The following RAB38 variants were observed in gnomAD, a reference collection of about 807,000 sequenced individuals.
The protein encoded by RAB38 is RAB38, member RAS oncogene family, also known as ras-related protein Rab-38.
Under a neutral mutation model 18.4 loss-of-function variants are expected in RAB38, and 15 were observed. The ratio of observed to expected loss-of-function variants is 0.82; its 90% CI spans 0.55 to 1.26. RAB38 has a LOEUF of 1.26. RAB38 is among the 50% of genes most tolerant of loss of function. RAB38 has a pLI of 0.00. For missense variants in RAB38, 294 were observed against 267.4 expected (o/e 1.10, Z -0.69); for synonymous variants, 101 against 104.4 (o/e 0.97, Z 0.20).
At chr11:88,026,458 G>T in the RAB38 span, among the ~76,000 whole-genome samples, 1 of 150,654 alleles carries the variant, frequency 6.6e-6, no homozygotes, top group Non-Finnish European at 1.5e-5. Context: ...ACCTACTCAG[G>T]AGGCTGAGGC....
the RAB38 span, among the ~76,000 whole-genome samples, chr11:88,076,237 G>C: frequency 2.0e-5 from 3 of 151,772 alleles, no homozygotes; most frequent in African/African-American, 7.3e-5. Context: ...ATAAATTCCT[G>C]GATTCATACA....
At chr11:88,101,712 TG>T in the RAB38 span, among the ~76,000 whole-genome samples, 1 of 151,788 alleles carries the variant, frequency 6.6e-6, no homozygotes, top group Non-Finnish European at 1.5e-5. Flanking sequence ...CTATAAAAAA[TG>T]TTTTTGATTT....
the RAB38 span, among the ~76,000 whole-genome samples, chr11:87,910,629 T>C: frequency 1.5e-5 from 1 of 65,026 alleles, no homozygotes; most frequent in African/African-American, 4.0e-5. Flanking sequence ...TCAAAGTTCA[T>C]TTTCTTTTTT....
chr11:87,900,542 G>A, the RAB38 span, among the ~76,000 whole-genome samples: 1 of 151,602 alleles, frequency 6.6e-6, no homozygotes, highest in Non-Finnish European at 1.5e-5. Context: ...TCACCAGCTA[G>A]ACACTTGTTC....
At chr11:87,869,872 C>G in the RAB38 span, among the ~76,000 whole-genome samples, 1 of 151,524 alleles carries the variant, frequency 6.6e-6, no homozygotes, top group African/African-American at 2.4e-5. Context: ...TGCCTGTTGC[C>G]AATCAAAGCA....
chr11:87,868,391 G>C, the RAB38 span, among the ~76,000 whole-genome samples: 1 of 151,586 alleles, frequency 6.6e-6, no homozygotes, highest in African/African-American at 2.4e-5. Context: ...GCAGATGTTA[G>C]TGCTATGCTT....
At chr11:87,807,539 A>C in the RAB38 span, among the ~76,000 whole-genome samples, 2 of 152,272 alleles carry the variant, frequency 1.3e-5, no homozygotes, top group East Asian at 3.9e-4. Flanking sequence ...CAAGACATAA[A>C]CCATGCTGAC....
intron 1 of RAB38, among the ~76,000 whole-genome samples, chr11:88,151,866 CAAGT>C (rs1369331953): frequency 5.3e-5 from 8 of 152,084 alleles, no homozygotes; most frequent in African/African-American, 1.7e-4. Context: ...TGTGCACAAG[CAAGT>C]ATCACTGGAA....
chr11:87,902,879 ATG>A, the RAB38 span, among the ~76,000 whole-genome samples: 1 of 150,440 alleles, frequency 6.6e-6, no homozygotes, highest in Admixed American at 6.7e-5. Context: ...ATATATATGT[ATG>A]TGCATATATA....
chr11:87,895,383 A>G, the RAB38 span, among the ~76,000 whole-genome samples: 1 of 151,602 alleles, frequency 6.6e-6, no homozygotes, highest in Non-Finnish European at 1.5e-5. Context: ...TCGGGTACTG[A>G]GGGAGGGCGA....
chr11:87,929,423 T>C, the RAB38 span, among the ~76,000 whole-genome samples: 1 of 152,030 alleles, frequency 6.6e-6, no homozygotes, highest in African/African-American at 2.4e-5. Context: ...TTCACCCTAT[T>C]TCCTGGTGTG....
chr11:87,830,258 T>A, the RAB38 span, among the ~76,000 whole-genome samples: 1 of 152,036 alleles, frequency 6.6e-6, no homozygotes, highest in East Asian at 1.9e-4. Context: ...GGCAGGAGGA[T>A]CTCTTGAGCT....
the RAB38 span, among the ~76,000 whole-genome samples, chr11:88,073,345 C>A: frequency 6.6e-6 from 1 of 152,162 alleles, no homozygotes; most frequent in Non-Finnish European, 1.5e-5. Flanking sequence ...AAACTCCTAG[C>A]TAGTCTTCCC....
chr11:88,163,629 A>C (rs1436147989), intron 1 of RAB38, among the ~76,000 whole-genome samples: 2 of 152,178 alleles, frequency 1.3e-5, no homozygotes, highest in African/African-American at 4.8e-5. Context: ...ACAAGAGAAT[A>C]AAATGGCATA....
At chr11:87,945,738 A>T in the RAB38 span, among the ~76,000 whole-genome samples, 7 of 152,200 alleles carry the variant, frequency 4.6e-5, no homozygotes, top group Non-Finnish European at 1.0e-4. Flanking sequence ...ACAGTCATTC[A>T]CCTAAGGTTA....
the RAB38 span, among the ~76,000 whole-genome samples, chr11:87,964,077 C>T: frequency 6.6e-6 from 1 of 152,180 alleles, no homozygotes; most frequent in African/African-American, 2.4e-5. Flanking sequence ...AAAAATAAGC[C>T]AAGAAGAAAT....
chr11:87,977,891 A>G, the RAB38 span, among the ~76,000 whole-genome samples: 2 of 111,692 alleles, frequency 1.8e-5, no homozygotes, highest in East Asian at 2.7e-4. Flanking sequence ...ATGTAGTCAT[A>G]GATTTACATA....
At chr11:88,075,944 G>A in the RAB38 span, among the ~76,000 whole-genome samples, 2 of 148,046 alleles carry the variant, frequency 1.4e-5, no homozygotes, top group Admixed American at 1.3e-4. Context: ...TGTACCTCAA[G>A]GAACTAGAAG....
At chr11:88,130,714 T>G (rs1043882525) in intron 2 of RAB38, among the ~76,000 whole-genome samples, 4 of 152,210 alleles carry the variant, frequency 2.6e-5, no homozygotes, top group African/African-American at 9.6e-5. Flanking sequence ...GACTATTAAT[T>G]ATTTAATTAC....
Sources: gnomAD v4.1 joint callset for allele counts (sites outside exome capture counted in the v4.1 genomes callset) on GRCh38, gnomAD v4.1.1 for gene constraint, MANE v1.5 for transcripts, NCBI Gene and HGNC (gene_info 2026-07-23, HGNC 2026-07-21) for gene names.